Variants in ALG13 observed in about 807,000 individuals in gnomAD.
ALG13 encodes the protein UDP-N-acetylglucosamine transferase subunit ALG13.
Under a neutral mutation model 87.8 loss-of-function variants are expected in ALG13, and 11 were observed. The observed-to-expected ratio is 0.13, with a 90% CI of 0.08 to 0.21. The LOEUF is 0.21. ALG13 is among the 10% of genes least tolerant of loss of function. The pLI is 1.00. For synonymous variants in ALG13, 320 were observed against 306.3 expected (o/e 1.04, Z -0.47); for missense variants, 756 against 866.1 (o/e 0.87, Z 1.60).
chrX:111,730,916 G>A (rs1346353506), intron 21 of ALG13, among the ~76,000 whole-genome samples: 1 of 112,051 alleles, frequency 8.9e-6, no homozygotes, highest in East Asian at 2.8e-4. Context: ...CAGGTACTTA[G>A]GCTGATGGAA....
At chrX:111,742,565 A>C (rs898928475) in intron 23 of ALG13, among the ~76,000 whole-genome samples, 2 of 112,429 alleles carry the variant, frequency 1.8e-5, no homozygotes, top group Non-Finnish European at 3.8e-5. Context: ...TCTGTGGGTC[A>C]GGTTTAAGGT....
chrX:111,744,838 C>A lies in ALG13; in HGVS notation c.2866C>A (p.Gln956Lys), dbSNP rs749202824. Residue 956 changes from glutamine to lysine, a missense_variant, in exon 24 of 27, where the codon CAA becomes AAA. Gln to Lys is a moderately conservative substitution (Grantham distance 53). Transcript: ENST00000394780. ...TGATGTGGGAGAGACTTCAAACTTA[C>A]AACCACCACCACCACTACCACCTCC... ...ALDVGETSNL[Q>K]PPPPLPPPPY... 4 of 1,156,476 alleles carry A rather than the reference C, an allele frequency of 3.5e-6. No homozygotes were observed. The Admixed American group carries it at 6.9e-5, about 20-fold the overall frequency.
chrX:111,747,321 T>C (rs752044072), intron 24 of ALG13, among the ~76,000 whole-genome samples: 1 of 112,250 alleles, frequency 8.9e-6, no homozygotes, highest in Non-Finnish European at 1.9e-5. Context: ...AGTCATGCAA[T>C]ATATAGCCTT....
chrX:111,683,352 C>A (rs769280824), intron 2 of ALG13, among the ~76,000 whole-genome samples: 1 of 87,309 alleles, frequency 1.1e-5, no homozygotes, highest in African/African-American at 4.5e-5. Context: ...TTTTCTGGGA[C>A]GGAGTTTCAC....
intron 3 of ALG13, among the ~76,000 whole-genome samples, chrX:111,696,199 T>C (rs1397267259): frequency 9.0e-6 from 1 of 111,477 alleles, no homozygotes. Context: ...GCCAAGATAA[T>C]AGGCTAACAC....
chrX:111,698,112 C>T (rs1285771343), intron 3 of ALG13, among the ~76,000 whole-genome samples: 1 of 112,171 alleles, frequency 8.9e-6, no homozygotes, highest in Non-Finnish European at 1.9e-5. Context: ...GTTCCTGCTT[C>T]TTATAGATGA....
chrX:111,760,003 C>T lies in ALG13; in HGVS notation c.*4C>T, dbSNP rs1175686298. 1 of 1,206,985 alleles carries T rather than the reference C, an allele frequency of 8.3e-7. No homozygotes were observed. Among genetic ancestry groups the T allele is most frequent in the Non-Finnish European group, 1.1e-6 (1 of 892,857 alleles). On this transcript the variant is annotated 3_prime_UTR_variant, in exon 27 of 27. Coordinates refer to ENST00000394780, the MANE Select transcript of ALG13 (RefSeq NM_001099922.3). ...TTATGTACCTCAGGGTATGTAAGAT[C>T]CAGCAGTATGAAGTATTCTTGCACT...
intron 6 of ALG13, 31 bp downstream of exon 6, chrX:111,711,756 C>T (rs970484519): frequency 3.5e-6 from 4 of 1,158,630 alleles, no homozygotes; most frequent in Non-Finnish European, 4.7e-6. Flanking sequence ...TTAATCTTTT[C>T]AGAGTTATTT....
At chrX:111,700,563 GTGTTTTTTTT>G (rs779805290) in intron 3 of ALG13, among the ~76,000 whole-genome samples, 163 of 107,156 alleles carry the variant, frequency 1.5e-3, no homozygotes, top group Non-Finnish European at 1.8e-3. Context: ...CTGTTGAGAG[GTGTTTTTTTT>G]TGTTTTTTTT....
intron 3 of ALG13, among the ~76,000 whole-genome samples, chrX:111,699,154 G>A (rs1199227778): frequency 1.8e-5 from 2 of 110,912 alleles, no homozygotes; most frequent in Admixed American, 9.5e-5. Context: ...TTTTTATGTC[G>A]TCTTTTGAGA....
At chrX:111,681,870 A>G (rs1385093168) in intron 1 of ALG13, 1 of 900,213 alleles carries the variant, frequency 1.1e-6, no homozygotes, top group African/African-American at 2.1e-5. Context: ...CGAGTTTGCG[A>G]CTCCTTTTCC....
chrX:111,711,496 C>T (rs1224584090), intron 5 of ALG13, among the ~76,000 whole-genome samples, 179 bp from the exon 6 acceptor site: 1 of 112,219 alleles, frequency 8.9e-6, no homozygotes, highest in African/African-American at 3.2e-5. Flanking sequence ...TATACTCCAG[C>T]TTTTCTCCAC....
intron 3 of ALG13, among the ~76,000 whole-genome samples, chrX:111,695,614 A>G (rs943399534): frequency 2.7e-5 from 3 of 111,337 alleles, no homozygotes; most frequent in African/African-American, 9.8e-5. Flanking sequence ...AAAAATCTGT[A>G]TTGTCATGCT....
rs374773161 is a variant in ALG13, at chrX:111,717,945, A to G, written c.1087+18A>G. 5 of 1,179,324 alleles carry G rather than the reference A, an allele frequency of 4.2e-6. No homozygotes were observed. In the African/African-American group the frequency reaches 8.8e-5, roughly 21 times the overall value. On this transcript the variant is annotated intron_variant, in intron 9 of 26. Transcript: ENST00000394780. Reference sequence around the variant, plus strand: ...TTGTCAGGGTATGTGAAGGCTTTATAAATTGTGGGTGTGATTTCAGATGAC... The same window carrying G: ...TTGTCAGGGTATGTGAAGGCTTTATGAATTGTGGGTGTGATTTCAGATGAC...
intron 3 of ALG13, among the ~76,000 whole-genome samples, chrX:111,692,067 A>G (rs1219647730): frequency 9.0e-6 from 1 of 111,175 alleles, no homozygotes; most frequent in Non-Finnish European, 1.9e-5. Flanking sequence ...CTGTCTGTTA[A>G]TTCTGTAAGC....
chrX:111,759,627 A>G (rs1945577139), intron 26 of ALG13, 107 bp from the exon 27 acceptor site: 3 of 618,000 alleles, frequency 4.9e-6, no homozygotes, highest in Non-Finnish European at 7.3e-6. Context: ...GATCTTTCTT[A>G]TAGTTAGTTT....
intron 1 of ALG13, chrX:111,681,901 C>G: frequency 1.1e-6 from 1 of 914,541 alleles, no homozygotes. Context: ...CCTGCTGTGG[C>G]TTTCGCGGGA....
At position 111,682,737 on chromosome X, in the gene ALG13, G is replaced by T. The variant is rs183795898; in HGVS notation, c.244+443G>T. On this transcript the variant is annotated intron_variant, in intron 2 of 26. Transcript: ENST00000394780. ...TTGTCAACTTGACATTAGTACTTGG[G>T]CTTAGATCTAAAGGAGTGTTCTGCC... 4.2e-3 allele frequency among the ~76,000 whole-genome samples: 467 copies of T among 112,019 alleles called. 6 individuals carry two copies. The highest frequency in any genetic ancestry group is 6.3e-3 in the Non-Finnish European group (333 of 53,231).
intron 3 of ALG13, chrX:111,689,448 T>C (rs1449033809): frequency 1.3e-6 from 1 of 751,699 alleles, no homozygotes; most frequent in African/African-American, 2.3e-5. Context: ...ACTAAAAGGC[T>C]ATACAGCCCC....
Sources: allele counts gnomAD v4.1 joint callset (sites outside exome capture counted in the v4.1 genomes callset), GRCh38; gene constraint gnomAD v4.1.1; transcripts MANE v1.5; gene names NCBI Gene and HGNC (gene_info 2026-07-23, HGNC 2026-07-21).